TRIP11: variants seen among roughly 807,000 people sequenced by gnomAD.
The protein encoded by TRIP11 is thyroid receptor-interacting protein 11.
TRIP11 carries 148 observed loss-of-function variants against 223.1 expected under a neutral mutation model. The ratio of observed to expected loss-of-function variants is 0.66; its 90% CI spans 0.58 to 0.76. The LOEUF is 0.76. TRIP11 is among the 30% of genes least tolerant of loss of function. TRIP11 has a pLI of 0.00. For synonymous variants in TRIP11, 762 were observed against 772.6 expected (o/e 0.99, Z 0.23); for missense variants, 2,043 against 2,222.0 (o/e 0.92, Z 1.62).
intron 20 of TRIP11, among the ~76,000 whole-genome samples, chr14:91,972,136 A>G (rs1178117009): frequency 3.9e-5 from 6 of 152,346 alleles, no homozygotes; most frequent in Admixed American, 2.6e-4. Context: ...AGACAGAAAA[A>G]TATGTACACG....
intron 15 of TRIP11, among the ~76,000 whole-genome samples, chr14:91,992,805 A>T (rs923730403): frequency 5.4e-5 from 8 of 147,968 alleles, no homozygotes; most frequent in African/African-American, 2.0e-4. Context: ...GCTACTTGGA[A>T]GGCTGAGGCA....
chr14:92,022,056 T>C (rs529766518), intron 3 of TRIP11, among the ~76,000 whole-genome samples: 1 of 152,358 alleles, frequency 6.6e-6, no homozygotes, highest in South Asian at 2.1e-4. Context: ...AGTAGAAATA[T>C]CAGAATTTTG....
intron 3 of TRIP11, among the ~76,000 whole-genome samples, 191 bp downstream of exon 3, chr14:92,025,119 T>G (rs938708893): frequency 1.3e-5 from 2 of 152,178 alleles, no homozygotes; most frequent in African/African-American, 4.8e-5. Context: ...TATGTAAACT[T>G]AATAAAGTTT....
At chr14:92,012,156 G>A (rs1448979685) in intron 7 of TRIP11, among the ~76,000 whole-genome samples, 1 of 152,074 alleles carries the variant, frequency 6.6e-6, no homozygotes, top group Admixed American at 6.6e-5. Context: ...TAAGATTGGA[G>A]GAAAACAATT....
At chr14:91,992,908 C>CAAAAAAAAAAAA (rs550702989) in intron 15 of TRIP11, among the ~76,000 whole-genome samples, 1 of 29,234 alleles carries the variant, frequency 3.4e-5, no homozygotes, top group East Asian at 9.4e-4. Flanking sequence ...GACTCCGTCT[C>CAAAAAAAAAAAA]AAAAAAAAAA....
intron 11 of TRIP11, 118 bp downstream of exon 11, chr14:92,003,301 A>C: frequency 7.2e-7 from 1 of 1,384,370 alleles, no homozygotes; most frequent in South Asian, 1.3e-5. Context: ...ACCTTGAAAT[A>C]AATATTTCTA....
chr14:92,013,334 C>T (rs747332755), intron 7 of TRIP11, among the ~76,000 whole-genome samples: 4 of 152,110 alleles, frequency 2.6e-5, no homozygotes, highest in Non-Finnish European at 4.4e-5. Context: ...TCCTAAAGAG[C>T]GGCAGAAAGT....
rs756195664 is a variant in TRIP11 at position 92,014,336 on chromosome 14, C to A, written c.1065G>T (p.Leu355Phe). ...QIMEECENLK[L>F]ECSKLQPSAV... ...CAGAAGGCTGCAATTTACTACATTCCAATTTCAAGTTTTCACATTCTTCCA... is the reference window on the plus strand; with the variant it reads ...CAGAAGGCTGCAATTTACTACATTCAAATTTCAAGTTTTCACATTCTTCCA... The change falls in exon 7 of 21, where the codon TTG (leucine) becomes TTT (phenylalanine). Residue 355 changes from leucine to phenylalanine, a missense_variant. By Grantham distance (22) the Leu-to-Phe change is conservative (BLOSUM62 0). Coordinates refer to ENST00000267622, the MANE Select transcript of TRIP11 (RefSeq NM_004239.4). 3 of 1,613,914 alleles carry A rather than the reference C, an allele frequency of 1.9e-6. No homozygotes were observed. The highest frequency in any genetic ancestry group is 2.5e-6 in the Non-Finnish European group (3 of 1,180,006).
intron 19 of TRIP11, among the ~76,000 whole-genome samples, chr14:91,974,083 C>A (rs76187646): frequency 0.037 from 5,649 of 152,254 alleles, 296 homozygotes; most frequent in African/African-American, 0.12. Context: ...CTAACTGATA[C>A]TACTACTCAA....
chr14:92,001,341 G>C (rs1367722698), intron 11 of TRIP11, among the ~76,000 whole-genome samples: 1 of 149,366 alleles, frequency 6.7e-6, no homozygotes, highest in Non-Finnish European at 1.5e-5. Context: ...AACACTTCTG[G>C]ATAGGGAGGC....
intron 4 of TRIP11, among the ~76,000 whole-genome samples, chr14:92,018,298 C>T (rs1185233463): frequency 1.3e-5 from 2 of 151,842 alleles, no homozygotes; most frequent in East Asian, 3.9e-4. Context: ...ACTATGTTGC[C>T]CAGGCTGGTC....
chr14:92,025,351 G>C lies in TRIP11; in HGVS notation c.271C>G (p.Gln91Glu), dbSNP rs2057168300. 1.2e-6 allele frequency: 2 copies of C among 1,613,460 alleles called. No homozygotes were observed. Among genetic ancestry groups the C allele is most frequent in the South Asian group, 1.1e-5 (1 of 91,064 alleles). The change falls in exon 3 of 21, where the codon CAG (glutamine) becomes GAG (glutamate). Residue 91 changes from glutamine (Q) to glutamate (E), a missense_variant. Coordinates refer to ENST00000267622, the MANE Select transcript of TRIP11 (RefSeq NM_004239.4). ...KHEASEIQIK[Q>E]QSTSYRNQLQ... is the part of the protein sequence containing the mutation. The stretch of plus-strand genomic sequence containing the variant: ...TGATTTCGGTAACTTGTAGATTGCT[G>C]CTTTATTTGAATCTCTGATGCTTCA...
chr14:92,031,672 A>C (rs1000904364), intron 2 of TRIP11, among the ~76,000 whole-genome samples: 1 of 152,214 alleles, frequency 6.6e-6, no homozygotes, highest in Non-Finnish European at 1.5e-5. Context: ...TTACAAGATA[A>C]AGATATTCCA....
At chr14:92,001,376 G>T (rs1433664843) in intron 11 of TRIP11, among the ~76,000 whole-genome samples, 2 of 135,292 alleles carry the variant, frequency 1.5e-5, no homozygotes, top group Non-Finnish European at 3.1e-5. Context: ...TAGTTTTTCA[G>T]TTTTTTTTTT....
chr14:92,015,967 G>C, intron 5 of TRIP11, 106 bp from the exon 6 acceptor site: 1 of 1,133,538 alleles, frequency 8.8e-7, no homozygotes, highest in Admixed American at 2.4e-5. Context: ...AGAATTCTCA[G>C]AACATGTTAA....
chr14:91,980,623 C>G (rs547100537), intron 16 of TRIP11, among the ~76,000 whole-genome samples: 4 of 152,262 alleles, frequency 2.6e-5, no homozygotes, highest in South Asian at 2.1e-4. Flanking sequence ...ATATTTCAAT[C>G]TAGCCTGAAT....
chr14:92,025,491 A>G (rs544078496), intron 2 of TRIP11, 71 bp from the exon 3 acceptor site: 9 of 1,092,202 alleles, frequency 8.2e-6, no homozygotes, highest in Non-Finnish European at 1.1e-5. Flanking sequence ...GCACAGCATT[A>G]TGAAAAACGT....
chr14:91,973,047 AC>A (rs2056419534), intron 19 of TRIP11, among the ~76,000 whole-genome samples, 186 bp from the exon 20 acceptor site: 1 of 137,664 alleles, frequency 7.3e-6, no homozygotes, highest in Non-Finnish European at 1.5e-5. Context: ...TTTTTTTGAG[AC>A]GGTGTCTTGC....
In TRIP11 at chr14:92,003,615, A is replaced by C; in HGVS notation, c.4361T>G (p.Leu1454Arg). The part of the protein sequence containing the change: ...VTNLKERILI[L>R]EMDIGKLKGE... The stretch of plus-strand genomic sequence containing the variant: ...TTTTAGTTTGCCAATGTCCATCTCT[A>C]GAATTAATATTCTCTCCTTCAGGTT... Residue 1454 changes from leucine (L) to arginine (R), a missense_variant, in exon 11 of 21, where the codon CTA becomes CGA. Transcript: ENST00000267622. 6.2e-7 allele frequency: 1 copy of C among 1,614,170 alleles called. No individual in the cohort carries two copies. The highest frequency in any genetic ancestry group is 8.5e-7 in the Non-Finnish European group (1 of 1,180,016).
Sources: allele counts gnomAD v4.1 joint callset (sites outside exome capture counted in the v4.1 genomes callset), GRCh38; gene constraint gnomAD v4.1.1; transcripts MANE v1.5; gene names NCBI Gene and HGNC (gene_info 2026-07-23, HGNC 2026-07-21).